Variants in ZNF43 observed in about 807,000 individuals in gnomAD.
The protein encoded by ZNF43 is zinc finger protein 43, also known as zinc finger protein 39-like 1 (KOX 27).
Under a neutral mutation model 68.4 loss-of-function variants are expected in ZNF43, and 44 were observed. That is an observed-to-expected ratio of 0.64 (90% CI 0.51 to 0.83). The LOEUF is 0.83. ZNF43 is among the 40% of genes least tolerant of loss of function. The pLI is 0.00. For synonymous variants in ZNF43, 308 were observed against 307.8 expected (o/e 1.00, Z -0.01); for missense variants, 896 against 933.2 (o/e 0.96, Z 0.52).
rs1162669304 is a variant in ZNF43 at position 21,825,256 on chromosome 19, C to CA, written c.4-6036dup. 4.3e-4 allele frequency among the ~76,000 whole-genome samples: 62 copies of CA among 145,186 alleles called. 1 individual carries two copies. The highest frequency in any genetic ancestry group is 6.6e-4 in the South Asian group (3 of 4,560). On this transcript the variant is annotated intron_variant, in intron 1 of 3. Coordinates refer to ENST00000354959, the MANE Select transcript of ZNF43 (RefSeq NM_003423.4). The stretch of plus-strand genomic sequence containing the variant: ...TCAAAAATCAAACAACCCAACCAAC[C>CA]AAAAAAAAAAGTTGTCAGGAAGTCT...
intron 3 of ZNF43, among the ~76,000 whole-genome samples, chr19:21,812,575 A>G (rs912431921): frequency 3.3e-5 from 5 of 152,240 alleles, no homozygotes; most frequent in African/African-American, 9.6e-5. Context: ...ATCACAATGA[A>G]AAACAAAATC....
At chr19:21,818,248 G>A (rs775658566) in intron 2 of ZNF43, among the ~76,000 whole-genome samples, 16 of 151,884 alleles carry the variant, frequency 1.1e-4, no homozygotes, top group South Asian at 4.2e-4. Context: ...GATTACAAGC[G>A]TGTGCCACCA....
chr19:21,833,860 T>G (rs1287474866), intron 1 of ZNF43, among the ~76,000 whole-genome samples: 2 of 151,824 alleles, frequency 1.3e-5, no homozygotes, highest in Non-Finnish European at 2.9e-5. Context: ...AAACCCTGTC[T>G]CTACTAAAAA....
At chr19:21,845,121 C>A (rs568290446) in intron 1 of ZNF43, among the ~76,000 whole-genome samples, 21 of 151,084 alleles carry the variant, frequency 1.4e-4, no homozygotes, top group African/African-American at 4.9e-4. Flanking sequence ...GTAAGATGGG[C>A]ACGGGCAGCA....
chr19:21,845,053 A>C (rs1967860847), intron 1 of ZNF43, among the ~76,000 whole-genome samples: 2 of 151,188 alleles, frequency 1.3e-5, no homozygotes, highest in African/African-American at 2.4e-5. Flanking sequence ...TGCAAGGACG[A>C]GACAGGAGAG....
At chr19:21,822,030 C>A (rs1022722496) in intron 1 of ZNF43, among the ~76,000 whole-genome samples, 2 of 152,260 alleles carry the variant, frequency 1.3e-5, no homozygotes, top group African/African-American at 4.8e-5. Context: ...ACCTATTTGC[C>A]TACTACCACC....
At chr19:21,813,722 G>A (rs1034112420) in intron 3 of ZNF43, among the ~76,000 whole-genome samples, 1 of 151,726 alleles carries the variant, frequency 6.6e-6, no homozygotes, top group Admixed American at 6.6e-5. Flanking sequence ...ATTTCTAGAA[G>A]TTTTTTGAAT....
chr19:21,814,483 C>T (rs1250496636), intron 3 of ZNF43, among the ~76,000 whole-genome samples: 1 of 151,446 alleles, frequency 6.6e-6, no homozygotes, highest in Non-Finnish European at 1.5e-5. Context: ...CGATCTGGCT[C>T]ACTGCAATCT....
chr19:21,809,708 T>G lies in ZNF43; in HGVS notation c.329A>C (p.Lys110Thr), dbSNP rs1362621998. ...ATGGTCTTTTTTTAAATGTACATTT[T>G]TATGTTCACAGTTTTTATATCTTCT... The part of the protein sequence containing the change: ...TLRRYKNCEH[K>T]NVHLKKDHKS... The change falls in exon 4 of 4, where the codon AAA becomes ACA. Residue 110 changes from lysine (K) to threonine (T), a missense_variant. Transcript: ENST00000354959. 6.2e-7 allele frequency: 1 copy of G among 1,613,276 alleles called. No individual in the cohort carries two copies. The highest frequency in any genetic ancestry group is 1.3e-5 in the African/African-American group (1 of 74,850).
At chr19:21,822,785 A>G (rs1194091393) in intron 1 of ZNF43, among the ~76,000 whole-genome samples, 1 of 151,706 alleles carries the variant, frequency 6.6e-6, no homozygotes. Context: ...AGCCTGGGTG[A>G]CAGAGCAAGA....
rs193191294 is a variant in ZNF43 at position 21,849,730 on chromosome 19, G to A, written c.30+2175C>T. On this transcript the variant is annotated intron_variant, in intron 1 of 3. Coordinates refer to the ZNF43 transcript ENST00000357491. ...ACACTCCAGCCTGGGCAACATAAAC[G>A]AAACTCCATCTCAAAAAAAAAAAAG... 8.7e-5 allele frequency among the ~76,000 whole-genome samples: 13 copies of A among 150,270 alleles called. No individual in the cohort carries two copies. The East Asian group carries it at 1.2e-3, about 14-fold the overall frequency.
rs1196262561 is a variant in ZNF43 at position 21,804,960 on chromosome 19, A to G, written c.*2647T>C. ...ATATACCAATGTTTATTCATGACTC[A>G]GGAATGTATGGACTTTATTTATACT... On this transcript the variant is annotated 3_prime_UTR_variant, in exon 4 of 4. Coordinates refer to ENST00000354959, the MANE Select transcript of ZNF43 (RefSeq NM_003423.4). 6.6e-6 allele frequency: 1 copy of G among 152,210 alleles called. No homozygotes were observed. Among genetic ancestry groups the G allele is most frequent in the African/African-American group, 2.4e-5 (1 of 41,444 alleles). 9.4% of individuals were successfully genotyped at this position (152,210 alleles called of 1,614,324 possible).
At chr19:21,850,696 G>A (rs2457795) in intron 1 of ZNF43, among the ~76,000 whole-genome samples, 7,450 of 152,256 alleles carry the variant, frequency 0.049, 384 homozygotes, top group African/African-American at 0.13. Flanking sequence ...CCTGAGAGCA[G>A]GGCTTAGCAA....
chr19:21,811,723 T>C (rs2037281461), intron 3 of ZNF43, among the ~76,000 whole-genome samples: 2 of 152,208 alleles, frequency 1.3e-5, no homozygotes, highest in South Asian at 2.1e-4. Flanking sequence ...TATGATCAAA[T>C]GAACTTCTAC....
chr19:21,821,258 G>A (rs1182813717), intron 1 of ZNF43, among the ~76,000 whole-genome samples: 2 of 149,690 alleles, frequency 1.3e-5, no homozygotes, highest in Admixed American at 6.8e-5. Flanking sequence ...TCATTCTCCC[G>A]CCTCAGCCTC....
upstream of ZNF43, among the ~76,000 whole-genome samples, chr19:21,837,216 T>C (rs10410478): frequency 0.21 from 31,374 of 151,932 alleles, 3,482 homozygotes; most frequent in South Asian, 0.25. Flanking sequence ...TAGTATTACT[T>C]GAAATATAAA....
chr19:21,848,718 T>C (rs908568402), intron 1 of ZNF43, among the ~76,000 whole-genome samples: 10 of 152,212 alleles, frequency 6.6e-5, no homozygotes, highest in Non-Finnish European at 1.2e-4. Context: ...AAAGGTCCAG[T>C]GATCAATTAA....
intron 1 of ZNF43, among the ~76,000 whole-genome samples, chr19:21,829,812 T>C (rs773681524): frequency 2.0e-5 from 3 of 152,096 alleles, no homozygotes; most frequent in African/African-American, 7.2e-5. Flanking sequence ...ATTGGATTCA[T>C]TGAGCTCCGT....
intron 3 of ZNF43, among the ~76,000 whole-genome samples, chr19:21,812,624 A>T (rs2037332573): frequency 6.6e-6 from 1 of 151,984 alleles, no homozygotes; most frequent in Non-Finnish European, 1.5e-5. Flanking sequence ...TAAATTTTTT[A>T]AAAATACAAA....
Sources: allele counts gnomAD v4.1 joint callset (sites outside exome capture counted in the v4.1 genomes callset), GRCh38; gene constraint gnomAD v4.1.1; transcripts MANE v1.5; gene names NCBI Gene and HGNC (gene_info 2026-07-23, HGNC 2026-07-21).